TAF15: variants seen among roughly 807,000 people sequenced by gnomAD.
TAF15 encodes TATA-box binding protein associated factor 15.
A neutral mutation model predicts 102.5 loss-of-function variants in TAF15; 37 were observed. The observed-to-expected ratio is 0.36, with a 90% confidence interval of 0.28 to 0.47. TAF15 has a LOEUF of 0.47. TAF15 is among the 20% of genes least tolerant of loss of function. TAF15 has a pLI of 0.99. For synonymous variants in TAF15, 273 were observed against 259.2 expected (o/e 1.05, Z -0.51); for missense variants, 652 against 760.7 (o/e 0.86, Z 1.68).
chr17:35,844,731 G>A lies in TAF15; in HGVS notation c.1432G>A (p.Gly478Ser), dbSNP rs1421957688. 1.2e-6 allele frequency: 2 copies of A among 1,608,948 alleles called. No individual in the cohort carries two copies. Among genetic ancestry groups the A allele is most frequent in the East Asian group, 2.2e-5 (1 of 44,734 alleles). The change falls in exon 15 of 16, where the codon GGC becomes AGC. Residue 478 changes from glycine (G) to serine (S), a missense_variant. Physicochemically the swap from Gly to Ser is moderately conservative, Grantham distance 56. Transcript: ENST00000605844. ...CGGCTATGGAGGAGACCGAGGAGGT[G>A]GCTATGGAGGAGATCGAGGTGGCTA... The part of the protein sequence containing the change: ...GGGYGGDRGG[G>S]YGGDRGGYGG...
At chr17:35,842,313 G>C in intron 11 of TAF15, 54 bp from the exon 12 acceptor site, 1 of 1,354,152 alleles carries the variant, frequency 7.4e-7, no homozygotes, top group Non-Finnish European at 1.1e-6. Flanking sequence ...CATTTTTGTT[G>C]ACAGGTGGAG....
chr17:35,821,753 T>C (rs922399881), intron 5 of TAF15, among the ~76,000 whole-genome samples: 1 of 152,242 alleles, frequency 6.6e-6, no homozygotes, highest in African/African-American at 2.4e-5. Flanking sequence ...ATAAGCAGTC[T>C]CATTACCTGA....
intron 1 of TAF15, among the ~76,000 whole-genome samples, chr17:35,814,099 A>C (rs1341663639): frequency 2.0e-5 from 3 of 151,632 alleles, no homozygotes; most frequent in Non-Finnish European, 4.4e-5. Context: ...TAGAGATAGG[A>C]TCTTTCTGTG....
At chr17:35,815,358 G>A (rs4251719) in intron 1 of TAF15, among the ~76,000 whole-genome samples, 24,455 of 152,186 alleles carry the variant, frequency 0.16, 2,186 homozygotes, top group East Asian at 0.33. Context: ...TCTGATGAAT[G>A]TAAAACACCT....
chr17:35,845,466 G>A (rs2087612818), intron 15 of TAF15, among the ~76,000 whole-genome samples: 1 of 152,058 alleles, frequency 6.6e-6, no homozygotes, highest in South Asian at 2.1e-4. Context: ...ATGTTGCCCA[G>A]GCTGGTCTCA....
intron 10 of TAF15, among the ~76,000 whole-genome samples, chr17:35,837,643 C>T (rs997259478): frequency 2.6e-5 from 4 of 151,388 alleles, no homozygotes; most frequent in Admixed American, 1.3e-4. Context: ...CTGGCTAACA[C>T]GATGAAACCC....
In TAF15 at chr17:35,817,222, C is replaced by CTT. The variant is rs771696244; in HGVS notation, c.8-480_8-479dup. 612 of 134,460 alleles carry CTT rather than the reference C, an allele frequency of 4.6e-3. 4 individuals carry two copies. The highest frequency in any genetic ancestry group is 0.016 in the African/African-American group (574 of 36,718). 8.3% of individuals were successfully genotyped at this position (134,460 alleles called of 1,614,324 possible). On this transcript the variant is annotated intron_variant, in intron 1 of 15. Coordinates refer to ENST00000605844, the MANE Select transcript of TAF15 (RefSeq NM_139215.3). ...CAGAATAGAGCAACTAACTTAGCTG[C>CTT]TTTTTTTTTTTTTTTAGCAAGTCTT...
chr17:35,844,943 C>T lies in TAF15; in HGVS notation c.1644C>T (p.Gly548=), dbSNP rs2087604884. ...GSGYGGDRSG[G]YGGDRSGGGY... ...GCTACGGTGGAGACCGAAGTGGAGG[C>T]TATGGAGGAGACAGGAGTGGTGGCG... Residue 548 remains glycine (G), a synonymous_variant, in exon 15 of 16, where the codon GGC becomes GGT. Coordinates refer to ENST00000605844, the MANE Select transcript of TAF15 (RefSeq NM_139215.3). The T allele has an allele frequency of 6.2e-7, 1 of 1,610,154 alleles. No individual in the cohort carries two copies. The highest frequency in any genetic ancestry group is 1.4e-5 in the African/African-American group (1 of 73,584).
intron 9 of TAF15, 95 bp downstream of exon 9, chr17:35,834,693 AG>A: frequency 1.0e-6 from 1 of 1,004,746 alleles, no homozygotes; most frequent in Non-Finnish European, 1.5e-6. Context: ...TTAGTACAGG[AG>A]GAAGATTTAA....
rs187479186 is a variant in TAF15, at chr17:35,835,679, G to T, written c.674-453G>T. ...TATACAAAGCTTATTGCAATGAATG[G>T]GAAACCAGCAGTTCTGCTTTGTGGC... On this transcript the variant is annotated intron_variant, in intron 9 of 15. Transcript: ENST00000605844. 4.7e-4 allele frequency among the ~76,000 whole-genome samples: 72 copies of T among 152,360 alleles called. 1 individual carries two copies. The highest frequency in any genetic ancestry group is 1.5e-3 in the African/African-American group (63 of 41,580).
chr17:35,809,932 G>A (rs1270721253), intron 1 of TAF15: 9 of 453,218 alleles, frequency 2.0e-5, no homozygotes, highest in Non-Finnish European at 3.6e-5. Context: ...CCTGAGAGAA[G>A]CGGTGCTTCT....
intron 7 of TAF15, among the ~76,000 whole-genome samples, chr17:35,833,229 A>G (rs912760478): frequency 1.3e-5 from 2 of 152,148 alleles, no homozygotes; most frequent in African/African-American, 4.8e-5. Flanking sequence ...GATAGTGTAC[A>G]GAGCATGTGG....
rs769847550 is a variant in TAF15 at position 35,820,195 on chromosome 17, C to A, written c.131C>A (p.Ser44Tyr). Residue 44 changes from serine to tyrosine, a missense_variant, in exon 4 of 16, where the codon TCC becomes TAC. This residue lies in a region of TAF15 where 243 missense variants were observed against 284.1 expected (regional missense o/e 0.86). Transcript: ENST00000605844. ...SYSGYGQTTDSSYGQNYSGYS... is the reference protein window; with the variant it reads ...SYSGYGQTTDYSYGQNYSGYS... ...TCTGGCTATGGGCAAACGACTGATTCCTCTTATGGACAGAACTACAGCGGT... is the reference window on the plus strand; with the variant it reads ...TCTGGCTATGGGCAAACGACTGATTACTCTTATGGACAGAACTACAGCGGT... The A allele has an allele frequency of 6.2e-7, 1 of 1,614,062 alleles. No homozygotes were observed. The highest frequency in any genetic ancestry group is 1.7e-5 in the Admixed American group (1 of 60,006).
At chr17:35,839,350 A>G (rs2087513367) in intron 11 of TAF15, among the ~76,000 whole-genome samples, 1 of 145,446 alleles carries the variant, frequency 6.9e-6, no homozygotes, top group Non-Finnish European at 1.5e-5. Flanking sequence ...TAAAGTTAAT[A>G]CATACTTAGA....
intron 12 of TAF15, among the ~76,000 whole-genome samples, chr17:35,843,058 G>A (rs2087566512): frequency 6.6e-6 from 1 of 152,016 alleles, no homozygotes; most frequent in Non-Finnish European, 1.5e-5. Flanking sequence ...ACCTAATTAG[G>A]TAATTAATCT....
At chr17:35,833,044 C>G (rs1215058793) in intron 7 of TAF15, among the ~76,000 whole-genome samples, 1 of 151,944 alleles carries the variant, frequency 6.6e-6, no homozygotes, top group Non-Finnish European at 1.5e-5. Flanking sequence ...GTAATCCCAG[C>G]TACTAGGGAG....
intron 7 of TAF15, among the ~76,000 whole-genome samples, chr17:35,832,356 CAT>C (rs1304919776): frequency 6.6e-6 from 1 of 152,134 alleles, no homozygotes; most frequent in African/African-American, 2.4e-5. Context: ...TCCTGGAAAT[CAT>C]ATAAAAAGTA....
chr17:35,842,602 C>A, intron 12 of TAF15, 143 bp downstream of exon 12: 1 of 677,648 alleles, frequency 1.5e-6, no homozygotes. Context: ...AGTTCAGGTA[C>A]TGAATATATT....
chr17:35,835,277 A>C (rs1001288011), intron 9 of TAF15, among the ~76,000 whole-genome samples: 3 of 152,232 alleles, frequency 2.0e-5, no homozygotes, highest in Admixed American at 2.0e-4. Flanking sequence ...AGAAAATCCT[A>C]CGTTGGATTG....
Sources: gnomAD v4.1 joint callset for allele counts (sites outside exome capture counted in the v4.1 genomes callset) on GRCh38, gnomAD v4.1.1 for gene constraint, gnomAD v4.1.1 regional missense constraint, MANE v1.5 for transcripts, NCBI Gene and HGNC (gene_info 2026-07-23, HGNC 2026-07-21) for gene names.